NUDT19: variants seen among roughly 807,000 people sequenced by gnomAD.
NUDT19 encodes acyl-coenzyme A diphosphatase NUDT19.
A neutral mutation model predicts 22.2 loss-of-function variants in NUDT19; 31 were observed. The ratio of observed to expected loss-of-function variants is 1.40; its 90% CI spans 1.05 to 1.89. The LOEUF (loss-of-function observed/expected upper bound fraction) is 1.89. Among genes scored for constraint, NUDT19 ranks in the 40% most tolerant of loss-of-function variants. NUDT19 has a pLI of 0.00. For synonymous variants in NUDT19, 325 were observed against 230.8 expected (o/e 1.41, Z -3.70); for missense variants, 752 against 514.2 (o/e 1.46, Z -4.47).
At position 32,692,384 on chromosome 19, in the gene NUDT19, C is replaced by CT; in HGVS notation, c.424_425insT (p.Arg142LeufsTer72). 6.3e-7 allele frequency: 1 copy of CT among 1,583,578 alleles called. No individual in the cohort carries two copies. The highest frequency in any genetic ancestry group is 8.5e-7 in the Non-Finnish European group (1 of 1,172,872). On this transcript the variant is annotated frameshift_variant, in exon 1 of 3. Transcript: ENST00000397061. LOFTEE classifies it high-confidence loss of function. ...TGAGGAGGCGGGCGTGCTGCTGCTGCGGCCCAGGACTTCCCCACCAGGCCC... is the reference window on the plus strand; with the variant it reads ...TGAGGAGGCGGGCGTGCTGCTGCTGCTGGCCCAGGACTTCCCCACCAGGCCC...
In NUDT19 at chr19:32,692,174, C is replaced by T. The variant is rs758690356; in HGVS notation, c.214C>T (p.Arg72Cys). Residue 72 changes from arginine to cysteine, a missense_variant, in exon 1 of 3, where the codon CGC (arginine) becomes TGC (cysteine). Transcript: ENST00000397061. ...FSGGVLDAAD[R>C]SADWLGLFAP... ...CGGCGGAGTGCTGGATGCGGCCGAC[C>T]GCTCGGCGGACTGGCTGGGCCTCTT... The T allele has an allele frequency of 1.3e-6, 2 of 1,542,016 alleles. No individual in the cohort carries two copies. The highest frequency in any genetic ancestry group is 1.4e-5 in the African/African-American group (1 of 70,498).
At chr19:32,693,280 G>A (rs1188576677) in intron 1 of NUDT19, among the ~76,000 whole-genome samples, 3 of 152,208 alleles carry the variant, frequency 2.0e-5, no homozygotes, top group Admixed American at 1.3e-4. Context: ...TGGTCTCGCT[G>A]ACTTCAGGAT....
At chr19:32,706,578 G>A (rs915774849) in intron 1 of NUDT19, among the ~76,000 whole-genome samples, 2 of 152,174 alleles carry the variant, frequency 1.3e-5, no homozygotes, top group Non-Finnish European at 2.9e-5. Context: ...AGCTACTCGG[G>A]AGGCTGAGAC....
Position 32,692,419 on chromosome 19 carries a change from G to A in NUDT19, c.459G>A (p.Gly153=), listed in dbSNP as rs772816662. 5 of 1,555,286 alleles carry A rather than the reference G, an allele frequency of 3.2e-6. No homozygotes were observed. Among genetic ancestry groups the A allele is most frequent in the Non-Finnish European group, 4.3e-6 (5 of 1,157,978 alleles). The part of the protein sequence containing the change: ...PRTSPPGPAP[G]PGLALEPPPG... ...CTTCCCCACCAGGCCCAGCACCCGG[G>A]CCTGGCCTCGCCCTGGAGCCACCGC... The change falls in exon 1 of 3, where the codon GGG becomes GGA. Residue 153 remains glycine, a synonymous_variant. Transcript: ENST00000397061.
At chr19:32,696,440 C>A (rs1216742199) in intron 1 of NUDT19, among the ~76,000 whole-genome samples, 1 of 152,046 alleles carries the variant, frequency 6.6e-6, no homozygotes, top group Non-Finnish European at 1.5e-5. Context: ...AGTAAGGACC[C>A]CAAGAGCTAT....
chr19:32,695,774 C>T (rs1173076108), intron 1 of NUDT19, among the ~76,000 whole-genome samples: 13 of 152,208 alleles, frequency 8.5e-5, no homozygotes, highest in African/African-American at 2.4e-4. Context: ...AGGTTAGGAA[C>T]GCTCTTTCTT....
intron 1 of NUDT19, among the ~76,000 whole-genome samples, chr19:32,696,372 G>A (rs1968263578): frequency 7.0e-6 from 1 of 142,752 alleles, no homozygotes; most frequent in African/African-American, 2.7e-5. Flanking sequence ...CTAGCCTTTT[G>A]CTACTGTATC....
At chr19:32,702,952 G>T (rs1968350881) in intron 1 of NUDT19, among the ~76,000 whole-genome samples, 1 of 151,948 alleles carries the variant, frequency 6.6e-6, no homozygotes, top group Non-Finnish European at 1.5e-5. Context: ...TCATACATTT[G>T]ACTTTTATTA....
chr19:32,697,887 G>A (rs1045965152), intron 1 of NUDT19, among the ~76,000 whole-genome samples: 1 of 152,274 alleles, frequency 6.6e-6, no homozygotes, highest in Non-Finnish European at 1.5e-5. Context: ...AGGGAGAAGG[G>A]AACATGTACC....
intron 1 of NUDT19, among the ~76,000 whole-genome samples, chr19:32,701,670 G>A (rs1224213032): frequency 6.6e-6 from 1 of 152,078 alleles, no homozygotes; most frequent in Non-Finnish European, 1.5e-5. Context: ...CTACATTTAG[G>A]ACTTTTAAAA....
intron 1 of NUDT19, among the ~76,000 whole-genome samples, chr19:32,697,409 A>G (rs1429413241): frequency 6.6e-6 from 1 of 152,022 alleles, no homozygotes; most frequent in African/African-American, 2.4e-5. Context: ...GTATTTTCTT[A>G]AGGCCTCCCG....
chr19:32,698,345 G>T (rs562088773), intron 1 of NUDT19, among the ~76,000 whole-genome samples: 1 of 151,054 alleles, frequency 6.6e-6, no homozygotes, highest in South Asian at 2.1e-4. Context: ...ATTGGTCCCA[G>T]TGGCTTAGGA....
chr19:32,698,282 G>A (rs1968289030), intron 1 of NUDT19, among the ~76,000 whole-genome samples: 3 of 152,244 alleles, frequency 2.0e-5, no homozygotes, highest in East Asian at 1.9e-4. Flanking sequence ...ATTGGGGCCA[G>A]GCTGTAGTAT....
Position 32,692,581 on chromosome 19 carries a change from C to A in NUDT19, c.621C>A (p.Gly207=), listed in dbSNP as rs960767445. 2 of 1,589,606 alleles carry A rather than the reference C, an allele frequency of 1.3e-6. No individual in the cohort carries two copies. The highest frequency in any genetic ancestry group is 1.7e-6 in the Non-Finnish European group (2 of 1,171,150). ...CCTGGCTCACCCCTTTCTTGCGGGG[C>A]ACCACTCGCCGCTTTGACACGGCCT... The part of the protein sequence containing the change: ...WSAWLTPFLR[G]TTRRFDTAFF... Residue 207 remains glycine (G), a synonymous_variant, in exon 1 of 3, where the codon GGC becomes GGA. Transcript: ENST00000397061.
At position 32,691,945 on chromosome 19, in the gene NUDT19, C is replaced by T. The variant is rs1384394347; in HGVS notation, c.-16C>T. 15 of 1,215,194 alleles carry T rather than the reference C, an allele frequency of 1.2e-5. No homozygotes were observed. The highest frequency in any genetic ancestry group is 1.2e-5 in the Non-Finnish European group (12 of 976,864). 75.3% of individuals were successfully genotyped at this position (1,215,194 alleles called of 1,614,324 possible). On this transcript the variant is annotated 5_prime_UTR_variant, in exon 1 of 3. Transcript: ENST00000397061. ...GCTCAGGCCGCGCCAGAATCGGATC[C>T]GGGAAGCTGCGCGCCATGAGCAGCT...
chr19:32,704,000 G>A (rs1968362212), intron 1 of NUDT19, among the ~76,000 whole-genome samples: 1 of 151,954 alleles, frequency 6.6e-6, no homozygotes, highest in South Asian at 2.1e-4. Context: ...ATTCCTTTGT[G>A]TAGCTCTAAA....
At chr19:32,699,708 C>T (rs946994232) in intron 1 of NUDT19, among the ~76,000 whole-genome samples, 1 of 152,202 alleles carries the variant, frequency 6.6e-6, no homozygotes, top group African/African-American at 2.4e-5. Flanking sequence ...GTAATAGTCC[C>T]TTCGTGGTCA....
intron 1 of NUDT19, among the ~76,000 whole-genome samples, chr19:32,708,354 G>C (rs1315622012): frequency 6.6e-6 from 1 of 151,332 alleles, no homozygotes; most frequent in Non-Finnish European, 1.5e-5. Context: ...GTGAACCCAG[G>C]AGGTGGAGCT....
intron 1 of NUDT19, among the ~76,000 whole-genome samples, chr19:32,700,359 A>C (rs1968321465): frequency 6.6e-6 from 1 of 151,900 alleles, no homozygotes. Flanking sequence ...GTGCGTTTTT[A>C]CAGAGTACTG....
Sources: gnomAD v4.1 joint callset for allele counts (sites outside exome capture counted in the v4.1 genomes callset) on GRCh38, gnomAD v4.1.1 for gene constraint, MANE v1.5 for transcripts, NCBI Gene and HGNC (gene_info 2026-07-23, HGNC 2026-07-21) for gene names.